Variants in DPP6 observed in about 807,000 individuals in gnomAD.
DPP6 encodes dipeptidyl peptidase like 6.
Under a neutral mutation model 122.6 loss-of-function variants are expected in DPP6, and 69 were observed. That is an observed-to-expected ratio of 0.56 (90% CI 0.46 to 0.69). The LOEUF (loss-of-function observed/expected upper bound fraction) is 0.69. Among genes scored for constraint, DPP6 ranks in the 30% least tolerant of loss-of-function variants. DPP6 has a pLI of 0.00. For missense variants in DPP6, 928 were observed against 1,116.9 expected, an observed-to-expected ratio of 0.83 and a Z score of 2.41; for synonymous variants, 418 against 433.1, an observed-to-expected ratio of 0.97 and a Z score of 0.43.
chr7:153,814,385 A>G, the DPP6 span, among the ~76,000 whole-genome samples: 4 of 73,544 alleles, frequency 5.4e-5, no homozygotes, highest in Non-Finnish European at 9.9e-5. Context: ...CAACACATAC[A>G]CCCTCCCAAG....
At chr7:154,497,889 C>A (rs1167965666) in intron 3 of DPP6, among the ~76,000 whole-genome samples, 1 of 152,084 alleles carries the variant, frequency 6.6e-6, no homozygotes, top group African/African-American at 2.4e-5. Context: ...ACTGGACTTA[C>A]CTGTTTTATC....
intron 1 of DPP6, among the ~76,000 whole-genome samples, chr7:153,971,809 C>G (rs1198324513): frequency 7.0e-6 from 1 of 143,128 alleles, no homozygotes; most frequent in East Asian, 2.1e-4. Flanking sequence ...CTCTCCAACA[C>G]CCTGCTCCAT....
At chr7:153,777,660 C>T in the DPP6 span, among the ~76,000 whole-genome samples, 23 of 112,568 alleles carry the variant, frequency 2.0e-4, no homozygotes, top group East Asian at 4.2e-3. Flanking sequence ...CCAAATAATG[C>T]CACTTATAAG....
At chr7:154,653,695 A>T (rs1272154611) in intron 6 of DPP6, among the ~76,000 whole-genome samples, 1 of 152,212 alleles carries the variant, frequency 6.6e-6, no homozygotes, top group Admixed American at 6.5e-5. Context: ...CACAAGCATC[A>T]TCTCATTCCA....
intron 1 of DPP6, among the ~76,000 whole-genome samples, chr7:154,251,307 A>G (rs915985387): frequency 2.0e-5 from 3 of 152,174 alleles, no homozygotes; most frequent in Admixed American, 1.3e-4. Context: ...GGTGAATGCT[A>G]TGCTCTGAGA....
intron 1 of DPP6, among the ~76,000 whole-genome samples, chr7:154,007,828 C>T (rs577082467): frequency 2.2e-4 from 33 of 152,218 alleles, no homozygotes; most frequent in Non-Finnish European, 3.5e-4. Flanking sequence ...TGTGGTCACA[C>T]ACCTCGGGAT....
intron 1 of DPP6, among the ~76,000 whole-genome samples, chr7:154,278,855 T>C (rs1403716100): frequency 6.6e-6 from 1 of 151,258 alleles, no homozygotes; most frequent in Non-Finnish European, 1.5e-5. Flanking sequence ...CACGTGTGTG[T>C]TTGGTGTGTG....
At chr7:154,679,445 G>A (rs989885379) in intron 7 of DPP6, among the ~76,000 whole-genome samples, 2 of 152,050 alleles carry the variant, frequency 1.3e-5, no homozygotes, top group Non-Finnish European at 2.9e-5. Context: ...CATCCGGTCC[G>A]CAGTTCCCCA....
At chr7:154,227,223 C>CACACACACACACACACACACACAT (rs1278914765) in intron 1 of DPP6, among the ~76,000 whole-genome samples, 1 of 151,792 alleles carries the variant, frequency 6.6e-6, no homozygotes, top group African/African-American at 2.4e-5. Context: ...GGGACACACA[C>CACACACACACACACACACACACAT]ACACACACCC....
At chr7:154,881,937 G>C (rs887528598) in intron 21 of DPP6, among the ~76,000 whole-genome samples, 3 of 152,214 alleles carry the variant, frequency 2.0e-5, no homozygotes, top group Non-Finnish European at 4.4e-5. Context: ...TGGGTCATTG[G>C]TAGGTGTAAC....
At chr7:154,156,630 A>G (rs1277912257) in intron 1 of DPP6, among the ~76,000 whole-genome samples, 1 of 152,226 alleles carries the variant, frequency 6.6e-6, no homozygotes, top group East Asian at 1.9e-4. Context: ...TCACAGACAA[A>G]CACATATAAT....
the DPP6 span, among the ~76,000 whole-genome samples, chr7:153,763,377 G>GGAA: frequency 7.0e-5 from 9 of 128,708 alleles, no homozygotes; most frequent in Non-Finnish European, 9.7e-5. Flanking sequence ...GTACAAGTAA[G>GGAA]AAAAAAAAAA....
Position 154,282,171 on chromosome 7 carries a change from C to T in DPP6, c.244-164043C>T, listed in dbSNP as rs1388720150. Among the ~76,000 whole-genome samples the T allele has an allele frequency of 6.6e-6, 1 of 152,056 alleles. No homozygotes were observed. The highest frequency in any genetic ancestry group is 1.5e-5 in the Non-Finnish European group (1 of 68,002). ...TGTTCTAACCATCTATAATTTTATT[C>T]TTTTTTCCCCTCCCTATTCCATTCT... On this transcript the variant is annotated intron_variant, in intron 1 of 25. Coordinates refer to ENST00000377770, the MANE Select transcript of DPP6 (RefSeq NM_130797.4). This position sits in a 1 kb window ranked among gnomAD's most constrained non-coding sequence, Gnocchi z 4.8.
the DPP6 span, among the ~76,000 whole-genome samples, chr7:153,861,391 C>T: frequency 6.6e-6 from 1 of 152,132 alleles, no homozygotes; most frequent in Admixed American, 6.5e-5. Flanking sequence ...AATGGCAATT[C>T]TTTATTCAGA....
chr7:154,503,899 A>C (rs1444535626), intron 3 of DPP6, among the ~76,000 whole-genome samples: 3 of 152,202 alleles, frequency 2.0e-5, no homozygotes, highest in Non-Finnish European at 4.4e-5. Context: ...TCACCATGGC[A>C]CATGTTTACC....
chr7:154,368,878 C>T (rs576102057), intron 1 of DPP6, among the ~76,000 whole-genome samples: 9 of 152,248 alleles, frequency 5.9e-5, no homozygotes, highest in South Asian at 2.1e-4. Context: ...TGAGCATTGA[C>T]GGCAAGCTGC....
At chr7:154,864,849 G>C (rs1803717002) in intron 17 of DPP6, among the ~76,000 whole-genome samples, 1 of 152,234 alleles carries the variant, frequency 6.6e-6, no homozygotes, top group Non-Finnish European at 1.5e-5. Context: ...CATGAAACCA[G>C]AACTCTCAGA....
intron 1 of DPP6, among the ~76,000 whole-genome samples, chr7:154,307,519 A>T (rs1451997814): frequency 6.6e-6 from 1 of 152,130 alleles, no homozygotes; most frequent in Admixed American, 6.5e-5. Context: ...GAAGAGGGGA[A>T]CAGCAGAGAT....
At chr7:154,493,819 A>G (rs1367328749) in intron 3 of DPP6, among the ~76,000 whole-genome samples, 1 of 152,194 alleles carries the variant, frequency 6.6e-6, no homozygotes, top group African/African-American at 2.4e-5. Flanking sequence ...GGATGCAGGC[A>G]GGGAGTTTTG....
Sources: gnomAD v4.1 joint callset for allele counts (sites outside exome capture counted in the v4.1 genomes callset) on GRCh38, gnomAD v4.1.1 for gene constraint, Gnocchi (gnomAD v3.1) non-coding constraint, MANE v1.5 for transcripts, NCBI Gene and HGNC (gene_info 2026-07-23, HGNC 2026-07-21) for gene names.